Variants in NEMP2 observed in about 807,000 individuals in gnomAD.
NEMP2 encodes the protein UPF0571 transmembrane protein.
Under a neutral mutation model 54.2 loss-of-function variants are expected in NEMP2, and 53 were observed. The ratio of observed to expected loss-of-function variants is 0.98; its 90% confidence interval spans 0.78 to 1.23. The LOEUF (loss-of-function observed/expected upper bound fraction) is 1.23. Ranked by LOEUF, NEMP2 falls within the 50% of genes most tolerant of loss-of-function variation. The pLI, the probability that NEMP2 is intolerant of heterozygous loss-of-function variation, is 0.00. For synonymous variants in NEMP2, 197 were observed against 190.3 expected, an observed-to-expected ratio of 1.04 and a Z score of -0.29; for missense variants, 455 against 511.3, an observed-to-expected ratio of 0.89 and a Z score of 1.06.
chr2:190,586,440 GT>G, the NEMP2 span, among the ~76,000 whole-genome samples: 2 of 152,102 alleles, frequency 1.3e-5, no homozygotes, highest in African/African-American at 4.8e-5. The surrounding 1 kb of genome is among the most constrained non-coding windows in gnomAD (Gnocchi z 4.5). Flanking sequence ...CATGGATCAT[GT>G]ATTAGATCCT....
chr2:190,455,144 G>A, the NEMP2 span, among the ~76,000 whole-genome samples: 4 of 152,054 alleles, frequency 2.6e-5, no homozygotes, highest in South Asian at 2.1e-4. Context: ...ATAATCCCAT[G>A]CTCTTTTGTA....
chr2:190,598,280 A>G, the NEMP2 span, among the ~76,000 whole-genome samples: 2 of 152,202 alleles, frequency 1.3e-5, no homozygotes, highest in African/African-American at 4.8e-5. Context: ...GACTCTTGGG[A>G]GAATAAGGAA....
chr2:190,492,326 T>C, the NEMP2 span, among the ~76,000 whole-genome samples: 18 of 152,204 alleles, frequency 1.2e-4, no homozygotes, highest in Non-Finnish European at 2.5e-4. The surrounding 1 kb of genome is among the most constrained non-coding windows in gnomAD (Gnocchi z 5.2). Flanking sequence ...AAAGAGATCA[T>C]TGCCTAGGCA....
chr2:190,558,006 A>C, the NEMP2 span, among the ~76,000 whole-genome samples: 2 of 152,244 alleles, frequency 1.3e-5, no homozygotes, highest in Admixed American at 6.5e-5. This position sits in a 1 kb window ranked among gnomAD's most constrained non-coding sequence, Gnocchi z 4.4. Context: ...TCATTCTACT[A>C]TAAAGACACA....
At chr2:190,475,337 T>C in the NEMP2 span, among the ~76,000 whole-genome samples, 1 of 152,204 alleles carries the variant, frequency 6.6e-6, no homozygotes, top group South Asian at 2.1e-4. Flanking sequence ...GCCCAAAATC[T>C]CCTTAAGCTG....
chr2:190,487,772 ATC>A, the NEMP2 span, among the ~76,000 whole-genome samples: 22 of 152,242 alleles, frequency 1.4e-4, no homozygotes, highest in Non-Finnish European at 2.6e-4. The surrounding 1 kb of genome is among the most constrained non-coding windows in gnomAD (Gnocchi z 5.5). Context: ...GAGAAATTGG[ATC>A]TCTCATACAG....
At chr2:190,457,853 C>T in the NEMP2 span, among the ~76,000 whole-genome samples, 5 of 152,156 alleles carry the variant, frequency 3.3e-5, no homozygotes, top group Non-Finnish European at 7.3e-5. This position sits in a 1 kb window ranked among gnomAD's most constrained non-coding sequence, Gnocchi z 5.1. Context: ...GCATATGCCC[C>T]GCCATGCTGC....
chr2:190,441,271 T>C, the NEMP2 span, among the ~76,000 whole-genome samples: 1 of 152,108 alleles, frequency 6.6e-6, no homozygotes, highest in Non-Finnish European at 1.5e-5. Flanking sequence ...GTTCGGCTAA[T>C]GTATTGGTTC....
At chr2:190,605,850 C>G in the NEMP2 span, among the ~76,000 whole-genome samples, 10 of 152,312 alleles carry the variant, frequency 6.6e-5, no homozygotes, top group South Asian at 2.1e-3. Context: ...TTAACACATA[C>G]CTAGATTATA....
At chr2:190,644,065 G>A in the NEMP2 span, among the ~76,000 whole-genome samples, 1 of 152,234 alleles carries the variant, frequency 6.6e-6, no homozygotes, top group South Asian at 2.1e-4. This position sits in a 1 kb window ranked among gnomAD's most constrained non-coding sequence, Gnocchi z 4.4. Context: ...TTGCCTCAAT[G>A]GAAGATAACC....
chr2:190,573,396 G>A, the NEMP2 span, among the ~76,000 whole-genome samples: 1 of 152,174 alleles, frequency 6.6e-6, no homozygotes, highest in South Asian at 2.1e-4. Flanking sequence ...TGGAATGGAA[G>A]CAGAAGTAAC....
the NEMP2 span, chr2:190,436,015 T>C: frequency 6.3e-7 from 1 of 1,591,794 alleles, no homozygotes; most frequent in Non-Finnish European, 8.6e-7. This position sits in a 1 kb window ranked among gnomAD's most constrained non-coding sequence, Gnocchi z 5.3. Flanking sequence ...AACTTGCTGA[T>C]GGTGGTGGTA....
At chr2:190,497,797 T>C in the NEMP2 span, 1 of 1,454,838 alleles carries the variant, frequency 6.9e-7, no homozygotes, top group Non-Finnish European at 9.3e-7. The surrounding 1 kb of genome is among the most constrained non-coding windows in gnomAD (Gnocchi z 5.2). Flanking sequence ...AATTACTCAC[T>C]TTTCATTCAA....
the NEMP2 span, among the ~76,000 whole-genome samples, chr2:190,422,065 A>G: frequency 0.22 from 33,869 of 152,080 alleles, 4,828 homozygotes; most frequent in South Asian, 0.33. Context: ...TGACTGTGTA[A>G]TCATAACAGA....
chr2:190,540,169 A>G, the NEMP2 span, among the ~76,000 whole-genome samples: 914 of 152,280 alleles, frequency 6.0e-3, 13 homozygotes, highest in African/African-American at 0.021. Flanking sequence ...CATGTATTGG[A>G]ACGATCATAT....
At chr2:190,538,124 C>T (rs1382565377), upstream of NEMP2, among the ~76,000 whole-genome samples, 1 of 152,138 alleles carries the variant, frequency 6.6e-6, no homozygotes, top group Non-Finnish European at 1.5e-5. This position sits in a 1 kb window ranked among gnomAD's most constrained non-coding sequence, Gnocchi z 4.1. Flanking sequence ...CTCTTCAACC[C>T]CTCCCACCAT....
chr2:190,555,376 GC>G, the NEMP2 span, among the ~76,000 whole-genome samples: 1 of 152,032 alleles, frequency 6.6e-6, no homozygotes, highest in African/African-American at 2.4e-5. The surrounding 1 kb of genome is among the most constrained non-coding windows in gnomAD (Gnocchi z 4.8). Context: ...ACTCCTTCGA[GC>G]TAAAGGAGCA....
the NEMP2 span, among the ~76,000 whole-genome samples, chr2:190,573,215 C>T: frequency 6.6e-6 from 1 of 152,024 alleles, no homozygotes; most frequent in South Asian, 2.1e-4. Flanking sequence ...CTCCCTATGC[C>T]TCTGATTTCT....
chr2:190,510,924 G>A lies in NEMP2; in HGVS notation c.954-387C>T, dbSNP rs73051991. Reference sequence around the variant, plus strand: ...TTTACAAAAATACATTTCTTAGATGGTAACAGTAATAATACTTCTTAACTT... The same window carrying A: ...TTTACAAAAATACATTTCTTAGATGATAACAGTAATAATACTTCTTAACTT... On this transcript the variant is annotated intron_variant, in intron 7 of 8. Transcript: ENST00000409150. The surrounding 1 kb of genome is among the most constrained non-coding windows in gnomAD (Gnocchi z 5.7). 0.019 allele frequency among the ~76,000 whole-genome samples: 2,813 copies of A among 151,874 alleles called. 111 individuals are homozygous for A. Among genetic ancestry groups the A allele is most frequent in the African/African-American group, 0.064 (2,654 of 41,434 alleles).
Sources: allele counts gnomAD v4.1 joint callset (sites outside exome capture counted in the v4.1 genomes callset), GRCh38; gene constraint gnomAD v4.1.1; non-coding constraint Gnocchi (gnomAD v3.1); transcripts MANE v1.5; gene names NCBI Gene and HGNC (gene_info 2026-07-23, HGNC 2026-07-21).